Variants in HGD observed in about 807,000 individuals in gnomAD.
HGD encodes homogentisate 1,2-dioxygenase, also known as homogentisate oxidase.
Under a neutral mutation model 60.8 loss-of-function variants are expected in HGD, and 61 were observed. The ratio of observed to expected loss-of-function variants is 1.00; its 90% CI spans 0.82 to 1.24. The LOEUF (loss-of-function observed/expected upper bound fraction) is 1.24, where lower values mean the gene tolerates loss of function less well. HGD is among the 50% of genes most tolerant of loss of function. The probability of loss-of-function intolerance (pLI) is 0.00; values close to 1 mark genes in which losing one functional copy is unlikely to be tolerated. For synonymous variants in HGD, 212 were observed against 187.7 expected, an observed-to-expected ratio of 1.13 and a Z score of -1.06; for missense variants, 542 against 547.1, an observed-to-expected ratio of 0.99 and a Z score of 0.09.
chr3:120,678,023 T>C (rs1235676246), intron 1 of HGD: 1 of 152,214 alleles, frequency 6.6e-6, no homozygotes, highest in Non-Finnish European at 1.5e-5. Flanking sequence ...GATGTGAATG[T>C]TATGACCTAG....
rs775883622 is a variant in HGD at position 120,628,490 on chromosome 3, T to C, written c.1228A>G (p.Lys410Glu). ...CACCTGGAGGCCTTGAGTCCCCACT[T>C]TGTGACCGCCAGACTTAAAGATGAT... ...FESSLSLAVT[K>E]WGLKASRCLD... The change falls in exon 14 of 14, where the codon AAG becomes GAG. Residue 410 changes from lysine to glutamate, a missense_variant. Lys to Glu is a moderately conservative substitution (Grantham distance 56). This residue lies in a region of HGD where 537 missense variants were observed against 529.1 expected (regional missense o/e 1.01). Coordinates refer to ENST00000283871, the MANE Select transcript of HGD (RefSeq NM_000187.4). The C allele has an allele frequency of 1.5e-5, 25 of 1,614,066 alleles. No individual in the cohort carries two copies. Among genetic ancestry groups the C allele is most frequent in the Non-Finnish European group, 2.1e-5 (25 of 1,179,972 alleles).
chr3:120,680,898 G>T (rs981596524), intron 1 of HGD, among the ~76,000 whole-genome samples: 45 of 152,258 alleles, frequency 3.0e-4, no homozygotes, highest in Non-Finnish European at 5.0e-4. Context: ...TTAGGTACAG[G>T]CTCCTTTAGG....
intron 12 of HGD, 30 bp downstream of exon 12, chr3:120,638,425 C>T (rs755025376): frequency 1.2e-6 from 2 of 1,613,336 alleles, no homozygotes; most frequent in East Asian, 2.2e-5. Flanking sequence ...CTTTGGCTTG[C>T]AAATGTGGCT....
chr3:120,672,093 A>T (rs2107551228), intron 3 of HGD, among the ~76,000 whole-genome samples: 1 of 152,308 alleles, frequency 6.6e-6, no homozygotes, highest in African/African-American at 2.4e-5. Context: ...CATGGCACAC[A>T]TTTACCTATG....
intron 5 of HGD, among the ~76,000 whole-genome samples, chr3:120,651,852 T>C (rs1261387719): frequency 6.6e-6 from 1 of 152,374 alleles, no homozygotes; most frequent in East Asian, 1.9e-4. Context: ...CCATGTTGAA[T>C]TGACGCCATT....
intron 3 of HGD, among the ~76,000 whole-genome samples, chr3:120,670,833 G>T (rs543504469): frequency 1.3e-5 from 2 of 152,288 alleles, no homozygotes; most frequent in East Asian, 3.9e-4. Flanking sequence ...TAAGGGAAGG[G>T]GAAGTACCTT....
In HGD at chr3:120,641,085, C is replaced by T. The variant is rs140634794; in HGVS notation, c.879+504G>A. 9.1e-3 allele frequency among the ~76,000 whole-genome samples: 1,384 copies of T among 152,216 alleles called. 21 individuals are homozygous for T. The highest frequency in any genetic ancestry group is 0.031 in the African/African-American group (1,293 of 41,524). The stretch of plus-strand genomic sequence containing the variant: ...TGCTCTAGAATTTCTTTGGTTTAAA[C>T]TCAAGCACTGAAAGTTATGAGTAAC... On this transcript the variant is annotated intron_variant, in intron 11 of 13. Transcript: ENST00000283871.
chr3:120,652,683 C>T lies in HGD; in HGVS notation c.283-32G>A, dbSNP rs551191522. ...AAAAAATACACATACAGAAAAATTA[C>T]TTCACAAGGGTAAACCATAGACCTT... On this transcript the variant is annotated intron_variant, in intron 4 of 13. Transcript: ENST00000283871. 12 of 1,494,378 alleles carry T rather than the reference C, an allele frequency of 8.0e-6. No homozygotes were observed. The South Asian group carries it at 1.1e-4, about 14-fold the overall frequency. The allele number at this position is 1,494,378 out of a possible 1,614,324, so 92.6% of individuals were successfully genotyped here.
chr3:120,673,306 T>C (rs1708061072), intron 3 of HGD, among the ~76,000 whole-genome samples: 1 of 152,180 alleles, frequency 6.6e-6, no homozygotes, highest in Non-Finnish European at 1.5e-5. Flanking sequence ...CAACAGCTCC[T>C]TTTCAGCCTG....
intron 12 of HGD, chr3:120,633,719 C>T (rs143066858): frequency 0.028 from 18,077 of 657,276 alleles, 316 homozygotes; most frequent in African/African-American, 0.056. Flanking sequence ...AGATCATAAC[C>T]CTTTCCCAAG....
rs1022719342 is a variant in HGD at position 120,646,904 on chromosome 3, A to G, written c.549+69T>C. 3 of 1,203,092 alleles carry G rather than the reference A, an allele frequency of 2.5e-6. No homozygotes were observed. In the African/African-American group the frequency reaches 4.5e-5, roughly 18 times the overall value. 74.5% of individuals were successfully genotyped at this position (1,203,092 alleles called of 1,614,324 possible). A position where few individuals can be genotyped will look rare whatever the true frequency, so the allele number is the denominator to read the frequency against. On this transcript the variant is annotated intron_variant, in intron 8 of 13. Transcript: ENST00000283871. ...GAGAAATTTTAGAGTTGGAAATAGC[A>G]GCAGCTGAAACATCTGACTGCTCCC...
rs528496845 is a variant in HGD, at chr3:120,638,401, C to G, written c.1006+54G>C. The stretch of plus-strand genomic sequence containing the variant: ...CATTATTCCCAATGTGTAGCGCTCA[C>G]TGCTTTGTTGTCTCTTTGGCTTGCA... On this transcript the variant is annotated intron_variant, in intron 12 of 13. Transcript: ENST00000283871. 39 of 1,610,146 alleles carry G rather than the reference C, an allele frequency of 2.4e-5. No homozygotes were observed. In the African/African-American group the frequency reaches 4.4e-4, roughly 18 times the overall value.
chr3:120,654,011 A>G (rs143053054), intron 4 of HGD, among the ~76,000 whole-genome samples: 169 of 152,272 alleles, frequency 1.1e-3, no homozygotes, highest in African/African-American at 3.8e-3. Context: ...AGAACCACTG[A>G]CCTGGGAGGA....
intron 7 of HGD, among the ~76,000 whole-genome samples, chr3:120,647,610 T>C (rs1249865411): frequency 6.6e-6 from 1 of 152,194 alleles, no homozygotes; most frequent in Non-Finnish European, 1.5e-5. Context: ...AGTCTTCATT[T>C]CTTTTCAGCT....
intron 4 of HGD, among the ~76,000 whole-genome samples, chr3:120,655,429 A>G (rs1941465732): frequency 6.6e-6 from 1 of 152,242 alleles, no homozygotes; most frequent in African/African-American, 2.4e-5. Context: ...CAGAGATAGT[A>G]TAGGGAGAGG....
intron 5 of HGD, 62 bp from the exon 6 acceptor site, chr3:120,650,927 C>T: frequency 8.0e-7 from 1 of 1,246,744 alleles, no homozygotes. Flanking sequence ...GGCAGCCCTT[C>T]CACTGGTCCC....
intron 10 of HGD, among the ~76,000 whole-genome samples, chr3:120,642,399 A>G (rs1941013719): frequency 6.6e-6 from 1 of 152,200 alleles, no homozygotes; most frequent in Non-Finnish European, 1.5e-5. Context: ...GCGGGAAGAC[A>G]CTGCTATTCC....
At chr3:120,656,635 T>A (rs1053363497) in intron 4 of HGD, among the ~76,000 whole-genome samples, 1 of 151,958 alleles carries the variant, frequency 6.6e-6, no homozygotes, top group Non-Finnish European at 1.5e-5. Flanking sequence ...CACTGCAACC[T>A]CCACCTCCTG....
At chr3:120,681,973 G>T in intron 1 of HGD, 124 bp downstream of exon 1, 2 of 875,676 alleles carry the variant, frequency 2.3e-6, no homozygotes, top group Non-Finnish European at 3.9e-6. Context: ...GGAAGCCTCT[G>T]AACACAGGGG....
Sources: gnomAD v4.1 joint callset for allele counts (sites outside exome capture counted in the v4.1 genomes callset) on GRCh38, gnomAD v4.1.1 for gene constraint, gnomAD v4.1.1 regional missense constraint, MANE v1.5 for transcripts, NCBI Gene and HGNC (gene_info 2026-07-23, HGNC 2026-07-21) for gene names.